Variants in AKT3 observed in about 807,000 individuals in gnomAD.
AKT3 encodes RAC-gamma serine/threonine-protein kinase.
In AKT3, 15 loss-of-function variants were observed where a neutral mutation model predicts 65.3. The ratio of observed to expected loss-of-function variants is 0.23; its 90% CI spans 0.15 to 0.35. The LOEUF is 0.35. AKT3 is among the 10% of genes least tolerant of loss of function. The probability of loss-of-function intolerance (pLI) is 1.00; values close to 1 mark genes in which losing one functional copy is unlikely to be tolerated. For synonymous variants in AKT3, 206 were observed against 183.8 expected, an observed-to-expected ratio of 1.12 and a Z score of -0.98; for missense variants, 243 against 576.5, an observed-to-expected ratio of 0.42 and a Z score of 5.92.
intron 3 of AKT3, chr1:243,687,618 T>C (rs1684414171): frequency 6.6e-6 from 1 of 152,108 alleles, no homozygotes; most frequent in African/African-American, 2.4e-5. Context: ...TTTTCTGTTT[T>C]TTTTTTCTTT....
intron 2 of AKT3, among the ~76,000 whole-genome samples, chr1:243,726,717 G>T (rs914158917): frequency 6.6e-5 from 10 of 152,234 alleles, no homozygotes; most frequent in Admixed American, 4.6e-4. Flanking sequence ...GCTGAAAATG[G>T]GTCAGAATGC....
chr1:243,586,656 A>G (rs903688699), intron 8 of AKT3, among the ~76,000 whole-genome samples: 1 of 152,208 alleles, frequency 6.6e-6, no homozygotes, highest in Non-Finnish European at 1.5e-5. Flanking sequence ...GCTCTTGCTT[A>G]TAAGTAGGAG....
intron 3 of AKT3, among the ~76,000 whole-genome samples, chr1:243,692,780 G>C (rs1210291556): frequency 6.6e-6 from 1 of 151,930 alleles, no homozygotes; most frequent in African/African-American, 2.4e-5. Flanking sequence ...CAATTCCAAA[G>C]GCTGCATTGT....
At chr1:243,764,688 C>CA (rs1689706606) in intron 2 of AKT3, among the ~76,000 whole-genome samples, 1 of 151,538 alleles carries the variant, frequency 6.6e-6, no homozygotes, top group Non-Finnish European at 1.5e-5. Flanking sequence ...TAAATAAAAC[C>CA]AAAAAAGTCT....
intron 2 of AKT3, among the ~76,000 whole-genome samples, chr1:243,834,557 A>G (rs1443114794): frequency 1.3e-5 from 2 of 152,170 alleles, no homozygotes; most frequent in African/African-American, 4.8e-5. Flanking sequence ...TACTTTAGAG[A>G]GTATACACTG....
chr1:243,702,453 T>C (rs1685527409), intron 2 of AKT3, among the ~76,000 whole-genome samples: 1 of 152,150 alleles, frequency 6.6e-6, no homozygotes, highest in Non-Finnish European at 1.5e-5. Context: ...ACAGAAATCA[T>C]AGTTTTTATC....
At chr1:243,849,648 G>A (rs1377178220) in intron 1 of AKT3, among the ~76,000 whole-genome samples, 3 of 150,212 alleles carry the variant, frequency 2.0e-5, no homozygotes, top group African/African-American at 7.4e-5. Context: ...CGCGCGGCCC[G>A]GGCGGGGAGG....
At chr1:243,752,552 A>G (rs1688872553) in intron 2 of AKT3, among the ~76,000 whole-genome samples, 1 of 152,256 alleles carries the variant, frequency 6.6e-6, no homozygotes, top group African/African-American at 2.4e-5. Context: ...TTAATTTTCT[A>G]AAACAACCTC....
chr1:243,692,610 C>T (rs537262237), intron 3 of AKT3, among the ~76,000 whole-genome samples: 6 of 151,900 alleles, frequency 3.9e-5, no homozygotes, highest in African/African-American at 1.4e-4. Context: ...TGGTGGTGTG[C>T]GCCTATGATC....
At chr1:243,760,188 T>G (rs1689395597) in intron 2 of AKT3, among the ~76,000 whole-genome samples, 1 of 151,306 alleles carries the variant, frequency 6.6e-6, no homozygotes, top group Non-Finnish European at 1.5e-5. Context: ...GGTGTGGCCT[T>G]TGCCCACTGC....
chr1:243,561,204 C>T (rs969343682), intron 10 of AKT3, among the ~76,000 whole-genome samples: 3 of 151,868 alleles, frequency 2.0e-5, no homozygotes, highest in African/African-American at 4.8e-5. Flanking sequence ...AATGTAATCC[C>T]TAGTTGAAAA....
intron 12 of AKT3, among the ~76,000 whole-genome samples, chr1:243,528,381 A>G (rs1671298935): frequency 6.6e-6 from 1 of 152,150 alleles, no homozygotes; most frequent in African/African-American, 2.4e-5. Flanking sequence ...GGAAAACTGC[A>G]TATCATGGGG....
At chr1:243,800,129 A>C (rs773015151) in intron 2 of AKT3, among the ~76,000 whole-genome samples, 2 of 152,174 alleles carry the variant, frequency 1.3e-5, no homozygotes, top group Non-Finnish European at 2.9e-5. Flanking sequence ...TCTGTACCAG[A>C]AAAGCACACT....
At chr1:243,764,339 T>C (rs1230229872) in intron 2 of AKT3, among the ~76,000 whole-genome samples, 1 of 152,010 alleles carries the variant, frequency 6.6e-6, no homozygotes, top group Non-Finnish European at 1.5e-5. Context: ...AAAATGCAAA[T>C]AATGAATCCT....
chr1:243,644,917 C>G (rs371742975), intron 5 of AKT3, among the ~76,000 whole-genome samples: 14 of 152,074 alleles, frequency 9.2e-5, no homozygotes, highest in East Asian at 7.7e-4. Flanking sequence ...GGATTCAGTT[C>G]AACAAACAAA....
intron 5 of AKT3, among the ~76,000 whole-genome samples, chr1:243,641,981 AG>A (rs1680427093): frequency 6.6e-6 from 1 of 152,152 alleles, no homozygotes; most frequent in African/African-American, 2.4e-5. Flanking sequence ...TGCAATTCTT[AG>A]GAACAATGAG....
chr1:243,498,453 A>C (rs1401201234), downstream of AKT3, among the ~76,000 whole-genome samples: 6 of 152,108 alleles, frequency 3.9e-5, no homozygotes, highest in Admixed American at 1.3e-4. Context: ...CAGGTTTACG[A>C]GGAGGAGTGA....
intron 3 of AKT3, among the ~76,000 whole-genome samples, chr1:243,683,402 T>C (rs1684060111): frequency 6.6e-6 from 1 of 152,156 alleles, no homozygotes; most frequent in African/African-American, 2.4e-5. Flanking sequence ...ATTTAAATAT[T>C]AATTTTGATG....
At chr1:243,813,504 A>G (rs529378515) in intron 2 of AKT3, among the ~76,000 whole-genome samples, 31 of 145,832 alleles carry the variant, frequency 2.1e-4, no homozygotes, top group African/African-American at 7.0e-4. Context: ...AAAAAGAAAA[A>G]AAGTACATAA....
Sources: allele counts gnomAD v4.1 joint callset (sites outside exome capture counted in the v4.1 genomes callset), GRCh38; gene constraint gnomAD v4.1.1; transcripts MANE v1.5; gene names NCBI Gene and HGNC (gene_info 2026-07-23, HGNC 2026-07-21).